The following PIP5K1B variants were observed in gnomAD, a reference collection of about 807,000 sequenced individuals.
PIP5K1B encodes the protein phosphatidylinositol 4-phosphate 5-kinase type-1 beta.
A neutral mutation model predicts 67.0 loss-of-function variants in PIP5K1B; 42 were observed. The ratio of observed to expected loss-of-function variants is 0.63; its 90% CI spans 0.49 to 0.81. The LOEUF is 0.81. Ranked by LOEUF, PIP5K1B falls within the 30% of genes least tolerant of loss-of-function variation. PIP5K1B has a pLI of 0.00. For missense variants in PIP5K1B, 459 were observed against 646.3 expected (o/e 0.71, Z 3.14); for synonymous variants, 214 against 231.4 (o/e 0.92, Z 0.68).
chr9:68,811,411 G>T (rs541927979), intron 2 of PIP5K1B, among the ~76,000 whole-genome samples: 1 of 152,174 alleles, frequency 6.6e-6, no homozygotes, highest in South Asian at 2.1e-4. Context: ...CATGAGGTTG[G>T]TCTCTGGGAG....
intron 15 of PIP5K1B, among the ~76,000 whole-genome samples, chr9:68,999,277 G>A (rs907509126): frequency 2.7e-4 from 41 of 152,074 alleles, no homozygotes; most frequent in Admixed American, 2.6e-3. Context: ...ATAAGGTTAC[G>A]GTCTGAGGCT....
At chr9:68,759,302 G>T (rs1356064794) in intron 2 of PIP5K1B, among the ~76,000 whole-genome samples, 3 of 152,072 alleles carry the variant, frequency 2.0e-5, no homozygotes, top group Non-Finnish European at 1.5e-5. Flanking sequence ...GACAACTATA[G>T]CATAAAGCAG....
chr9:68,852,345 C>T (rs1412323327), intron 4 of PIP5K1B, among the ~76,000 whole-genome samples: 1 of 151,898 alleles, frequency 6.6e-6, no homozygotes, highest in African/African-American at 2.4e-5. Context: ...CCGCCTCCCC[C>T]ACACCGCCCC....
rs1162784897 is a variant in PIP5K1B at position 68,976,565 on chromosome 9, G to T, written c.1503-14575G>T. ...CTCCTCTGAGCCACAGGGGCCATCG[G>T]TGCCCTATGACAGTGGTCCCCAACC... is the stretch of plus-strand genomic sequence containing the variant. On this transcript the variant is annotated intron_variant, in intron 14 of 15. Coordinates refer to ENST00000265382, the MANE Select transcript of PIP5K1B (RefSeq NM_003558.4). Among the ~76,000 whole-genome samples, 3 of 152,194 alleles carry T rather than the reference G, an allele frequency of 2.0e-5. No individual in the cohort carries two copies. In the East Asian group the frequency reaches 5.8e-4, roughly 29 times the overall value.
At chr9:68,971,152 A>G (rs962091119) in intron 14 of PIP5K1B, among the ~76,000 whole-genome samples, 2 of 150,842 alleles carry the variant, frequency 1.3e-5, no homozygotes, top group African/African-American at 4.9e-5. Flanking sequence ...AGTGCCCCCC[A>G]CTCCCCGACA....
chr9:68,766,263 CT>C (rs1393488384), intron 2 of PIP5K1B, among the ~76,000 whole-genome samples: 8 of 151,920 alleles, frequency 5.3e-5, no homozygotes, highest in South Asian at 4.1e-4. Context: ...TTTTTTGCTG[CT>C]TTTTTTATAT....
At chr9:68,920,803 T>TATAC in intron 11 of PIP5K1B, among the ~76,000 whole-genome samples, 1 of 141,518 alleles carries the variant, frequency 7.1e-6, no homozygotes, top group East Asian at 2.1e-4. Flanking sequence ...TACACACACA[T>TATAC]ACACACACAC....
intron 2 of PIP5K1B, among the ~76,000 whole-genome samples, chr9:68,818,247 A>C (rs1391673381): frequency 6.6e-6 from 1 of 152,252 alleles, no homozygotes; most frequent in Non-Finnish European, 1.5e-5. Context: ...TTTATTCAAC[A>C]ACCATACCAG....
intron 13 of PIP5K1B, among the ~76,000 whole-genome samples, chr9:68,938,520 G>A (rs1003986221): frequency 1.3e-5 from 2 of 152,060 alleles, no homozygotes; most frequent in African/African-American, 4.8e-5. Context: ...CCTGAATACA[G>A]CACATTGATG....
intron 1 of PIP5K1B, among the ~76,000 whole-genome samples, chr9:68,717,558 C>T (rs1827693297): frequency 6.6e-6 from 1 of 152,186 alleles, no homozygotes; most frequent in Non-Finnish European, 1.5e-5. Flanking sequence ...AGAGGGCTCT[C>T]TTCCAGCTTA....
At chr9:68,815,265 A>G (rs1464598061) in intron 2 of PIP5K1B, among the ~76,000 whole-genome samples, 1 of 47,956 alleles carries the variant, frequency 2.1e-5, no homozygotes, top group Non-Finnish European at 4.8e-5. Flanking sequence ...TTTTGGTACT[A>G]TTAAAAAAAA....
At position 68,832,913 on chromosome 9, in the gene PIP5K1B, A is replaced by G. The variant is rs79045907; in HGVS notation, c.69+10230A>G. On this transcript the variant is annotated intron_variant, in intron 4 of 15. Coordinates refer to ENST00000265382, the MANE Select transcript of PIP5K1B (RefSeq NM_003558.4). ...TGTAGACTGTCTGGGTAACATTCTAATTTTCCTGAGCTAAGTTTTCATATT... is the reference window on the plus strand; with the variant it reads ...TGTAGACTGTCTGGGTAACATTCTAGTTTTCCTGAGCTAAGTTTTCATATT... 8.4e-3 allele frequency among the ~76,000 whole-genome samples: 1,284 copies of G among 152,178 alleles called. 22 individuals are homozygous for G. Among genetic ancestry groups the G allele is most frequent in the African/African-American group, 0.03 (1,228 of 41,498 alleles).
intron 3 of PIP5K1B, among the ~76,000 whole-genome samples, chr9:68,821,663 T>C (rs895895967): frequency 3.3e-5 from 5 of 152,224 alleles, no homozygotes; most frequent in Non-Finnish European, 7.3e-5. Context: ...TTTACCAATA[T>C]GTAGTAAAAG....
At chr9:68,995,610 A>T (rs1319876771) in intron 15 of PIP5K1B, among the ~76,000 whole-genome samples, 1 of 152,136 alleles carries the variant, frequency 6.6e-6, no homozygotes, top group East Asian at 1.9e-4. Flanking sequence ...ATTCGAGACC[A>T]GCCTGACCAA....
chr9:68,749,315 G>A (rs1212576997), intron 2 of PIP5K1B, among the ~76,000 whole-genome samples: 2 of 152,122 alleles, frequency 1.3e-5, no homozygotes, highest in Non-Finnish European at 2.9e-5. Flanking sequence ...GGCAGGGAGT[G>A]AAGTGATGTG....
intron 11 of PIP5K1B, among the ~76,000 whole-genome samples, chr9:68,922,490 C>T (rs1376650277): frequency 1.2e-5 from 1 of 83,558 alleles, no homozygotes; most frequent in Non-Finnish European, 2.8e-5. Context: ...TATTGGAATC[C>T]ATAAGCCTGA....
At chr9:68,859,912 T>C (rs1315583292) in intron 4 of PIP5K1B, among the ~76,000 whole-genome samples, 1 of 152,228 alleles carries the variant, frequency 6.6e-6, no homozygotes, top group Non-Finnish European at 1.5e-5. Context: ...TATTTTATTT[T>C]TTTAATTGAC....
intron 2 of PIP5K1B, among the ~76,000 whole-genome samples, chr9:68,747,724 T>C (rs1564104970): frequency 6.6e-6 from 1 of 152,158 alleles, no homozygotes; most frequent in South Asian, 2.1e-4. Context: ...CACCTTCTTG[T>C]CATAATCCAA....
At chr9:68,854,690 T>G (rs866360293) in intron 4 of PIP5K1B, among the ~76,000 whole-genome samples, 1 of 152,186 alleles carries the variant, frequency 6.6e-6, no homozygotes, top group African/African-American at 2.4e-5. Flanking sequence ...TTTTAAAACA[T>G]AGTAGCAATA....
Sources: allele counts gnomAD v4.1 joint callset (sites outside exome capture counted in the v4.1 genomes callset), GRCh38; gene constraint gnomAD v4.1.1; transcripts MANE v1.5; gene names NCBI Gene and HGNC (gene_info 2026-07-23, HGNC 2026-07-21).